The following TTC17 variants were observed in gnomAD, a reference collection of about 807,000 sequenced individuals.
The protein encoded by TTC17 is tetratricopeptide repeat domain 17.
In TTC17, 58 loss-of-function variants were observed where a neutral mutation model predicts 143.8. The observed-to-expected ratio is 0.40, with a 90% confidence interval of 0.33 to 0.50. The LOEUF is 0.50. Ranked by LOEUF, TTC17 falls within the 20% of genes least tolerant of loss-of-function variation. The probability of loss-of-function intolerance (pLI) is 0.49; values close to 1 mark genes in which losing one functional copy is unlikely to be tolerated. For synonymous variants in TTC17, 501 were observed against 497.8 expected (o/e 1.01, Z -0.09); for missense variants, 1,273 against 1,392.5 (o/e 0.91, Z 1.37).
chr11:43,475,556 C>T (rs541088928), intron 21 of TTC17, among the ~76,000 whole-genome samples: 1 of 152,274 alleles, frequency 6.6e-6, no homozygotes, highest in East Asian at 1.9e-4. Context: ...GGTTCCTGGA[C>T]TCAAGCAGTC....
rs970356161 is a variant in TTC17, at chr11:43,405,683, C to G, written c.1595+54C>G. 8.1e-6 allele frequency: 13 copies of G among 1,609,378 alleles called. No homozygotes were observed. In the African/African-American group the frequency reaches 1.5e-4, roughly 18 times the overall value. On this transcript the variant is annotated intron_variant, in intron 12 of 23. Transcript: ENST00000039989. The stretch of plus-strand genomic sequence containing the variant: ...CTGATTCTGCATGATTGTCATCTAG[C>G]GGTTCTTTGAGAGCACCAGCCTTGG...
At chr11:43,380,330 G>A (rs1856917172) in intron 2 of TTC17, among the ~76,000 whole-genome samples, 1 of 152,060 alleles carries the variant, frequency 6.6e-6, no homozygotes. Context: ...ATCTTGGCTT[G>A]CTGCAACCTC....
At chr11:43,418,760 G>A (rs989392019) in intron 16 of TTC17, among the ~76,000 whole-genome samples, 5 of 152,016 alleles carry the variant, frequency 3.3e-5, no homozygotes, top group Non-Finnish European at 5.9e-5. Context: ...ATAACAATAT[G>A]AGCAAAATGA....
At chr11:43,361,102 G>C (rs1382670127) in intron 1 of TTC17, among the ~76,000 whole-genome samples, 1 of 152,214 alleles carries the variant, frequency 6.6e-6, no homozygotes, top group Non-Finnish European at 1.5e-5. Flanking sequence ...TAAAGTAAAA[G>C]AATTGGGTGC....
At chr11:43,373,113 T>G (rs1280485083) in intron 1 of TTC17, among the ~76,000 whole-genome samples, 1 of 152,188 alleles carries the variant, frequency 6.6e-6, no homozygotes, top group Non-Finnish European at 1.5e-5. Flanking sequence ...GTAATTTTTA[T>G]TTTCTCCTTC....
Position 43,412,419 on chromosome 11 carries a change from T to A in TTC17, c.2065-2171T>A, listed in dbSNP as rs1037116999. Among the ~76,000 whole-genome samples the A allele has an allele frequency of 2.0e-5, 3 of 152,114 alleles. No individual in the cohort carries two copies. In the South Asian group the frequency reaches 6.2e-4, roughly 32 times the overall value. On this transcript the variant is annotated intron_variant, in intron 15 of 23. Transcript: ENST00000039989. ...GGGAGGATCTCTTGAGCCCAGGAGTTCCAGACCAGCCTGGGCAACAGAATG... is the reference window on the plus strand; with the variant it reads ...GGGAGGATCTCTTGAGCCCAGGAGTACCAGACCAGCCTGGGCAACAGAATG...
intron 1 of TTC17, among the ~76,000 whole-genome samples, chr11:43,376,148 A>G (rs1331426218): frequency 6.6e-6 from 1 of 152,218 alleles, no homozygotes; most frequent in African/African-American, 2.4e-5. Flanking sequence ...TCGGATTTTC[A>G]GATTAGGAAT....
At chr11:43,436,269 C>A in intron 16 of TTC17, 1 of 1,435,656 alleles carries the variant, frequency 7.0e-7, no homozygotes, top group Non-Finnish European at 9.1e-7. Context: ...GAGAGAGGAA[C>A]AGAGGAGGAC....
At chr11:43,420,898 T>C (rs533898409) in intron 16 of TTC17, among the ~76,000 whole-genome samples, 2 of 152,222 alleles carry the variant, frequency 1.3e-5, no homozygotes, top group African/African-American at 2.4e-5. Context: ...TTAAGAAATA[T>C]GAAATTTGAT....
intron 21 of TTC17, among the ~76,000 whole-genome samples, chr11:43,456,757 A>G (rs1026770770): frequency 5.3e-5 from 8 of 152,186 alleles, no homozygotes; most frequent in African/African-American, 1.7e-4. Flanking sequence ...CTGAGGAAAA[A>G]GAGAAAGAAG....
intron 16 of TTC17, among the ~76,000 whole-genome samples, chr11:43,426,038 A>G (rs1947019880): frequency 6.6e-6 from 1 of 152,244 alleles, no homozygotes; most frequent in Admixed American, 6.5e-5. Context: ...TTGCCTAAGT[A>G]CATTTCAGGA....
Position 43,462,014 on chromosome 11 carries a change from C to T in TTC17, c.3030+10749C>T, listed in dbSNP as rs552830659. ...AAGTAGAGCACAAATAGTACAATGG[C>T]GAATATAGACCCAAGCACATCAGTA... is the stretch of plus-strand genomic sequence containing the variant. On this transcript the variant is annotated intron_variant, in intron 21 of 23. Transcript: ENST00000039989. 3.4e-5 allele frequency among the ~76,000 whole-genome samples: 5 copies of T among 148,624 alleles called. No individual in the cohort carries two copies. In the East Asian group the frequency reaches 9.9e-4, roughly 29 times the overall value.
intron 21 of TTC17, among the ~76,000 whole-genome samples, chr11:43,459,858 G>C (rs1012339378): frequency 1.3e-5 from 2 of 152,200 alleles, no homozygotes; most frequent in Non-Finnish European, 2.9e-5. Flanking sequence ...TAGGCTTTGT[G>C]TTAGATTACT....
intron 16 of TTC17, among the ~76,000 whole-genome samples, chr11:43,431,782 G>A (rs1365517738): frequency 6.6e-6 from 1 of 152,218 alleles, no homozygotes; most frequent in Admixed American, 6.5e-5. Flanking sequence ...GAGCCCAGCA[G>A]TTCAAGTCCA....
intron 22 of TTC17, chr11:43,491,366 G>C (rs1293180552): frequency 1.3e-5 from 2 of 152,178 alleles, no homozygotes; most frequent in Non-Finnish European, 2.9e-5. Flanking sequence ...TATACTGTTA[G>C]GCAATAGGGA....
chr11:43,437,967 A>AT (rs1224679327), intron 16 of TTC17, among the ~76,000 whole-genome samples: 2 of 152,202 alleles, frequency 1.3e-5, no homozygotes, highest in African/African-American at 4.8e-5. Context: ...GAAGAGAATG[A>AT]TTTCCCTACC....
intron 1 of TTC17, among the ~76,000 whole-genome samples, chr11:43,368,370 C>A (rs954578425): frequency 2.0e-5 from 3 of 152,176 alleles, no homozygotes; most frequent in African/African-American, 7.2e-5. Context: ...TACATCATGT[C>A]CTAAACTAAA....
chr11:43,413,529 G>A (rs1451482020), intron 15 of TTC17, among the ~76,000 whole-genome samples: 1 of 151,590 alleles, frequency 6.6e-6, no homozygotes, highest in Non-Finnish European at 1.5e-5. Context: ...TATTCAGAGA[G>A]TAAAAAAACA....
intron 2 of TTC17, 117 bp downstream of exon 2, chr11:43,379,439 C>A: frequency 1.3e-6 from 1 of 775,124 alleles, no homozygotes; most frequent in Non-Finnish European, 2.1e-6. Flanking sequence ...CTGACTTTTG[C>A]GGGAATATAC....
Sources: allele counts gnomAD v4.1 joint callset (sites outside exome capture counted in the v4.1 genomes callset), GRCh38; gene constraint gnomAD v4.1.1; transcripts MANE v1.5; gene names NCBI Gene and HGNC (gene_info 2026-07-23, HGNC 2026-07-21).